Variants in MAPK6 observed in about 807,000 individuals in gnomAD.
The protein encoded by MAPK6 is mitogen-activated protein kinase 6.
MAPK6 carries 19 observed loss-of-function variants against 59.3 expected under a neutral mutation model. The observed-to-expected ratio is 0.32, with a 90% confidence interval of 0.22 to 0.47. MAPK6 has a LOEUF of 0.47. MAPK6 is among the 20% of genes least tolerant of loss of function. MAPK6 has a pLI of 1.00. For missense variants in MAPK6, 724 were observed against 847.9 expected (o/e 0.85, Z 1.81); for synonymous variants, 316 against 290.3 (o/e 1.09, Z -0.90).
intron 3 of MAPK6, among the ~76,000 whole-genome samples, chr15:52,056,125 A>AAATC (rs1438956507): frequency 1.3e-5 from 2 of 152,194 alleles, no homozygotes; most frequent in African/African-American, 4.8e-5. Flanking sequence ...CACTCATTGG[A>AAATC]AATCAGTGTG....
intron 1 of MAPK6, chr15:52,024,442 C>G (rs1289577562): frequency 6.6e-6 from 1 of 152,260 alleles, no homozygotes; most frequent in Non-Finnish European, 1.5e-5. Flanking sequence ...ACTCTGTCAC[C>G]CAGGCTAGAG....
At chr15:52,016,872 C>T (rs1265461437), upstream of MAPK6, among the ~76,000 whole-genome samples, 1 of 152,038 alleles carries the variant, frequency 6.6e-6, no homozygotes, top group African/African-American at 2.4e-5. Context: ...GGTAAAACCT[C>T]GTCTCTACTA....
rs2057186877 is a variant in MAPK6 at position 51,985,150 on chromosome 15, T to C, written c.-770+1835T>C. The stretch of plus-strand genomic sequence containing the variant: ...TGAGCCCAGGAGTTGTAGACCACGC[T>C]GGGGAACATAGTGAGACCCAATCTC... On this transcript the variant is annotated intron_variant, in intron 2 of 7. Transcript: ENST00000691380. Among the ~76,000 whole-genome samples, 3 of 152,250 alleles carry C rather than the reference T, an allele frequency of 2.0e-5. No individual in the cohort carries two copies. The South Asian group carries it at 6.2e-4, about 32-fold the overall frequency.
At chr15:51,973,454 G>C (rs1222356337) in intron 1 of MAPK6, among the ~76,000 whole-genome samples, 1 of 151,894 alleles carries the variant, frequency 6.6e-6, no homozygotes, top group Non-Finnish European at 1.5e-5. Flanking sequence ...AGGTCCTCCT[G>C]CCTCGGCCTC....
upstream of MAPK6, among the ~76,000 whole-genome samples, chr15:52,016,681 C>A (rs2030280971): frequency 1.3e-5 from 2 of 152,140 alleles, no homozygotes; most frequent in Admixed American, 1.3e-4. Flanking sequence ...TCTGCCCACC[C>A]ACCTTAAACT....
Position 52,067,224 on chromosome 15 carries a change from C to T in MAPK6, c.*2224C>T, listed in dbSNP as rs1433119452. 6.6e-6 allele frequency: 1 copy of T among 152,128 alleles called. No individual in the cohort carries two copies. The highest frequency in any genetic ancestry group is 2.4e-5 in the African/African-American group (1 of 41,412). The allele number at this position is 152,128 out of a possible 1,614,324, so 9.4% of individuals were successfully genotyped here. On this transcript the variant is annotated 3_prime_UTR_variant, in exon 6 of 6. Transcript: ENST00000261845. ...AGTGGCCATCTACACAATGATCTGACTTGTTGGCATTAAAAAGTCCAAACA... is the reference window on the plus strand; with the variant it reads ...AGTGGCCATCTACACAATGATCTGATTTGTTGGCATTAAAAAGTCCAAACA...
chr15:52,023,469 C>T lies in MAPK6; in HGVS notation c.-632+4093C>T, dbSNP rs1056802664. ...ACTCCAATGTTACTGTAGTTAATGG[C>T]ATTTTCCAGGGGTTGCTTTCATGTG... On this transcript the variant is annotated intron_variant, in intron 1 of 5. Coordinates refer to ENST00000261845, the MANE Select transcript of MAPK6 (RefSeq NM_002748.4). Among the ~76,000 whole-genome samples the T allele has an allele frequency of 7.9e-5, 12 of 152,194 alleles. 1 individual carries two copies. Among genetic ancestry groups the T allele is most frequent in the Admixed American group, 7.2e-4 (11 of 15,282 alleles).
intron 3 of MAPK6, among the ~76,000 whole-genome samples, chr15:52,006,978 C>T (rs144461704): frequency 6.6e-6 from 1 of 152,200 alleles, no homozygotes; most frequent in African/African-American, 2.4e-5. Flanking sequence ...GTTAGAAATA[C>T]TGGTTCTGTT....
chr15:52,048,320 T>G (rs1389114497), intron 2 of MAPK6, among the ~76,000 whole-genome samples: 2 of 151,970 alleles, frequency 1.3e-5, no homozygotes, highest in Non-Finnish European at 2.9e-5. Context: ...CAGCCCACAT[T>G]AAGGTATTTT....
intron 2 of MAPK6, among the ~76,000 whole-genome samples, chr15:51,990,885 C>T (rs954722545): frequency 6.6e-6 from 1 of 151,984 alleles, no homozygotes; most frequent in African/African-American, 2.4e-5. Flanking sequence ...ACTCGGGAGG[C>T]GGAACTTGCA....
chr15:52,036,732 T>C (rs1312703533), intron 1 of MAPK6, among the ~76,000 whole-genome samples: 1 of 152,212 alleles, frequency 6.6e-6, no homozygotes, highest in African/African-American at 2.4e-5. Flanking sequence ...GCAAACCAAC[T>C]TAAAATTTTG....
At chr15:52,001,921 G>A (rs965550808) in intron 2 of MAPK6, among the ~76,000 whole-genome samples, 1 of 152,082 alleles carries the variant, frequency 6.6e-6, no homozygotes, top group Non-Finnish European at 1.5e-5. Context: ...CCTGTCCCAT[G>A]TGTCAGAGTC....
In MAPK6 at chr15:52,043,722, T is replaced by C. The variant is rs765793369; in HGVS notation, c.-631-2108T>C. On this transcript the variant is annotated intron_variant, in intron 1 of 5. Coordinates refer to ENST00000261845, the MANE Select transcript of MAPK6 (RefSeq NM_002748.4). The stretch of plus-strand genomic sequence containing the variant: ...CTCAGCTAGATAATAGCAAATGATA[T>C]GTTGGACTTAAGTTGTTTGATTTTT... Among the ~76,000 whole-genome samples, 7 of 149,982 alleles carry C rather than the reference T, an allele frequency of 4.7e-5. No individual in the cohort carries two copies. In the South Asian group the frequency reaches 1.1e-3, roughly 23 times the overall value.
intron 1 of MAPK6, among the ~76,000 whole-genome samples, chr15:52,043,741 G>GTTTTTTTT (rs2031503189): frequency 1.8e-5 from 1 of 55,622 alleles, no homozygotes; most frequent in Non-Finnish European, 4.0e-5. Context: ...TAAGTTGTTT[G>GTTTTTTTT]ATTTTTTTTT....
At chr15:52,016,265 T>C (rs1025973264), upstream of MAPK6, among the ~76,000 whole-genome samples, 6 of 151,008 alleles carry the variant, frequency 4.0e-5, no homozygotes, top group Admixed American at 1.3e-4. Context: ...GGTGCACACC[T>C]GTAATCCCAG....
intron 2 of MAPK6, among the ~76,000 whole-genome samples, chr15:51,995,757 G>A (rs1254845222): frequency 2.0e-5 from 3 of 152,006 alleles, no homozygotes; most frequent in African/African-American, 7.2e-5. Flanking sequence ...GTGAAACCCT[G>A]TCTCTACTAA....
chr15:52,039,625 C>T (rs1595991296), intron 1 of MAPK6, among the ~76,000 whole-genome samples: 1 of 150,986 alleles, frequency 6.6e-6, no homozygotes, highest in African/African-American at 2.4e-5. Context: ...AAGCGATTCT[C>T]CAACCTCAGC....
intron 3 of MAPK6, among the ~76,000 whole-genome samples, chr15:52,005,784 A>T (rs2057256825): frequency 6.6e-6 from 1 of 152,164 alleles, no homozygotes; most frequent in African/African-American, 2.4e-5. Context: ...AAGTGGCAGA[A>T]CTGGGGCTTA....
chr15:51,971,912 C>T (rs2057128740), intron 1 of MAPK6: 2 of 687,806 alleles, frequency 2.9e-6, no homozygotes, highest in African/African-American at 1.8e-5. Context: ...CCTGGGTATG[C>T]ATGGTATATA....
Sources: allele counts gnomAD v4.1 joint callset (sites outside exome capture counted in the v4.1 genomes callset), GRCh38; gene constraint gnomAD v4.1.1; transcripts MANE v1.5; gene names NCBI Gene and HGNC (gene_info 2026-07-23, HGNC 2026-07-21).